The following PRPS1 variants were observed in gnomAD, a reference collection of about 807,000 sequenced individuals.
PRPS1 encodes phosphoribosyl pyrophosphate synthetase 1, also known as ribose-phosphate pyrophosphokinase 1.
PRPS1 carries 1 observed loss-of-function variant against 16.9 expected under a neutral mutation model. The observed-to-expected ratio is 0.06, with a 90% CI of 0.02 to 0.28. The LOEUF (loss-of-function observed/expected upper bound fraction) is 0.28, where lower values mean the gene tolerates loss of function less well. PRPS1 is among the 10% of genes least tolerant of loss of function. The pLI is 1.00. For missense variants in PRPS1, 47 were observed against 254.0 expected, an observed-to-expected ratio of 0.19 and a Z score of 5.54; for synonymous variants, 70 against 90.2, an observed-to-expected ratio of 0.78 and a Z score of 1.27.
intron 1 of PRPS1, among the ~76,000 whole-genome samples, chrX:107,637,952 T>TATATA (rs1569438141): frequency 3.9e-4 from 40 of 101,962 alleles, no homozygotes; most frequent in African/African-American, 1.5e-3. Flanking sequence ...ATATATATAT[T>TATATA]TTTTTGATAT....
intron 1 of PRPS1, among the ~76,000 whole-genome samples, chrX:107,632,354 G>T (rs992144193): frequency 8.9e-6 from 1 of 112,278 alleles, no homozygotes; most frequent in Non-Finnish European, 1.9e-5. Flanking sequence ...GTATCTTCTG[G>T]TTGTGGTTAG....
At position 107,628,580 on chromosome X, in the gene PRPS1, C is replaced by T; in HGVS notation, c.-49C>T. The T allele has an allele frequency of 8.3e-7, 1 of 1,211,066 alleles. No individual in the cohort carries two copies. The highest frequency in any genetic ancestry group is 1.1e-6 in the Non-Finnish European group (1 of 895,411). ...CTGTGGCCGACTTCGGTTCCGGTCT[C>T]TGCAGCAGCCGTGATCGCTTAGTGG... On this transcript the variant is annotated 5_prime_UTR_variant, in exon 1 of 7. Coordinates refer to ENST00000372435, the MANE Select transcript of PRPS1 (RefSeq NM_002764.4).
intron 1 of PRPS1, among the ~76,000 whole-genome samples, chrX:107,637,512 T>G (rs1320551090): frequency 9.0e-6 from 1 of 111,639 alleles, no homozygotes; most frequent in Non-Finnish European, 1.9e-5. Flanking sequence ...AGGTGATGCA[T>G]CAAATTTTAT....
intron 1 of PRPS1, among the ~76,000 whole-genome samples, chrX:107,636,046 G>A (rs1414713005): frequency 4.7e-5 from 4 of 84,249 alleles, no homozygotes; most frequent in East Asian, 3.9e-4. Context: ...GCGACAGAGC[G>A]AGACTGTCTC....
intron 3 of PRPS1, among the ~76,000 whole-genome samples, chrX:107,641,928 CTATT>C (rs1223745433): frequency 1.8e-5 from 2 of 112,452 alleles, no homozygotes; most frequent in Non-Finnish European, 3.8e-5. Flanking sequence ...TTCACTGTGA[CTATT>C]TATCATAAGT....
intron 2 of PRPS1, among the ~76,000 whole-genome samples, chrX:107,639,962 T>C (rs1415521406): frequency 8.9e-6 from 1 of 112,908 alleles, no homozygotes; most frequent in Non-Finnish European, 1.9e-5. Context: ...CATAAAACTT[T>C]GCAAGTCTAT....
chrX:107,647,932 CCT>C (rs985549022), intron 6 of PRPS1, among the ~76,000 whole-genome samples, 167 bp downstream of exon 6: 1 of 108,952 alleles, frequency 9.2e-6, no homozygotes, highest in Non-Finnish European at 1.9e-5. Flanking sequence ...TGTTTCTTTT[CCT>C]TTTTTTTTTT....
intron 1 of PRPS1, among the ~76,000 whole-genome samples, chrX:107,631,447 T>C (rs911616704): frequency 8.9e-6 from 1 of 112,037 alleles, no homozygotes; most frequent in Admixed American, 9.6e-5. Flanking sequence ...GCCATAATTT[T>C]ATATAACCAA....
intron 1 of PRPS1, among the ~76,000 whole-genome samples, chrX:107,634,828 G>GTTTTTTTTTTTT: frequency 1.0e-5 from 1 of 97,323 alleles, no homozygotes; most frequent in African/African-American, 4.2e-5. Flanking sequence ...TAATGATAAA[G>GTTTTTTTTTTTT]TTTTTTGTTT....
chrX:107,647,933 CT>C lies in PRPS1; in HGVS notation c.864+179del, dbSNP rs370171661. Among the ~76,000 whole-genome samples, 4,737 of 104,966 alleles carry C rather than the reference CT, an allele frequency of 0.045. 252 individuals carry two copies. Among genetic ancestry groups the C allele is most frequent in the African/African-American group, 0.15 (4,451 of 29,167 alleles). The allele number at this position is 104,966 out of a possible 115,157, so 91.2% of individuals were successfully genotyped here. A position where few individuals can be genotyped will look rare whatever the true frequency, so the allele number is the denominator to read the frequency against. On this transcript the variant is annotated intron_variant, in intron 6 of 6. Transcript: ENST00000372435. ...AGTTAACAATCACCTGTTTCTTTTCCTTTTTTTTTTTCTTTTCAAACTGCCA... is the reference window on the plus strand; with the variant it reads ...AGTTAACAATCACCTGTTTCTTTTCCTTTTTTTTTTCTTTTCAAACTGCCA...
Position 107,628,550 on chromosome X carries a change from T to C in PRPS1, c.-79T>C, listed in dbSNP as rs1925236271. ...AGTAGCAACGCAAAGCGCTTGGTAT[T>C]GAGTCTGTGGCCGACTTCGGTTCCG... On this transcript the variant is annotated 5_prime_UTR_variant, in exon 1 of 7. Coordinates refer to ENST00000372435, the MANE Select transcript of PRPS1 (RefSeq NM_002764.4). The C allele has an allele frequency of 5.8e-6, 7 of 1,204,288 alleles. No homozygotes were observed. Among genetic ancestry groups the C allele is most frequent in the South Asian group, 5.3e-5 (3 of 56,625 alleles).
intron 5 of PRPS1, among the ~76,000 whole-genome samples, 182 bp from the exon 6 acceptor site, chrX:107,647,424 T>C (rs1925721448): frequency 8.9e-6 from 1 of 112,538 alleles, no homozygotes; most frequent in Admixed American, 9.4e-5. Context: ...TTCTATGGTA[T>C]TTTCTTTTCC....
Position 107,647,591 on chromosome X carries a change from A to G in PRPS1, c.705-15A>G. On this transcript the variant is annotated splice_polypyrimidine_tract_variant and intron_variant, in intron 5 of 6. Transcript: ENST00000372435. Reference sequence around the variant, plus strand: ...ACAAGTAAGATGAATCCAAATCAACATTTTTTCCCTCTAGACTTCTCTCAG... The same window carrying G: ...ACAAGTAAGATGAATCCAAATCAACGTTTTTTCCCTCTAGACTTCTCTCAG... 8.3e-7 allele frequency: 1 copy of G among 1,210,080 alleles called. No individual in the cohort carries two copies. The highest frequency in any genetic ancestry group is 1.1e-6 in the Non-Finnish European group (1 of 894,372).
Position 107,650,786 on chromosome X carries a change from A to G in PRPS1, c.*754A>G, listed in dbSNP as rs1925812716. The G allele has an allele frequency of 1.0e-5, 3 of 296,705 alleles. No homozygotes were observed. The highest frequency in any genetic ancestry group is 1.8e-5 in the Non-Finnish European group (3 of 169,750). 24.5% of individuals were successfully genotyped at this position (296,705 alleles called of 1,213,427 possible). ...CTGGAAAGCAAACATGCTTCCTGCT[A>G]TGTAATTGCTAACATTCATATTAGA... is the stretch of plus-strand genomic sequence containing the variant. On this transcript the variant is annotated 3_prime_UTR_variant, in exon 7 of 7. Transcript: ENST00000372435.
intron 1 of PRPS1, among the ~76,000 whole-genome samples, chrX:107,635,410 T>C (rs1363340201): frequency 9.1e-6 from 1 of 110,464 alleles, no homozygotes; most frequent in Admixed American, 9.7e-5. Flanking sequence ...AGCTGATATA[T>C]GGAGGATGAA....
chrX:107,640,479 G>T (rs1243942849), intron 2 of PRPS1, among the ~76,000 whole-genome samples: 1 of 112,341 alleles, frequency 8.9e-6, no homozygotes, highest in African/African-American at 3.2e-5. Flanking sequence ...ATTTACAAAG[G>T]AAACTATAAT....
intron 5 of PRPS1, 78 bp downstream of exon 5, chrX:107,645,428 T>G: frequency 8.7e-7 from 1 of 1,149,660 alleles, no homozygotes; most frequent in Middle Eastern, 2.4e-4. Context: ...AGCCTGCTGA[T>G]TCCTTTTGGA....
chrX:107,647,913 A>C (rs1925738945), intron 6 of PRPS1, 148 bp downstream of exon 6: 1 of 649,535 alleles, frequency 1.5e-6, no homozygotes, highest in Non-Finnish European at 2.3e-6. Context: ...CCAAAAGTTA[A>C]CAATCACCTG....
chrX:107,636,034 T>TG (rs1183503707), intron 1 of PRPS1, among the ~76,000 whole-genome samples: 1 of 83,465 alleles, frequency 1.2e-5, no homozygotes, highest in African/African-American at 4.9e-5. Context: ...CACTCCAGCC[T>TG]GGCGACAGAG....
Sources: gnomAD v4.1 joint callset for allele counts (sites outside exome capture counted in the v4.1 genomes callset) on GRCh38, gnomAD v4.1.1 for gene constraint, MANE v1.5 for transcripts, NCBI Gene and HGNC (gene_info 2026-07-23, HGNC 2026-07-21) for gene names.